Variants in STX2 observed in about 807,000 individuals in gnomAD.
STX2 encodes syntaxin 2, also known as syntaxin-2.
Under a neutral mutation model 40.6 loss-of-function variants are expected in STX2, and 27 were observed. The observed-to-expected ratio is 0.66, with a 90% CI of 0.49 to 0.92. STX2 has a LOEUF of 0.92. STX2 is among the 40% of genes least tolerant of loss of function. STX2 has a pLI of 0.00. For missense variants in STX2, 328 were observed against 366.1 expected, an observed-to-expected ratio of 0.90 and a Z score of 0.85; for synonymous variants, 123 against 119.1, an observed-to-expected ratio of 1.03 and a Z score of -0.22.
At chr12:130,828,549 G>A (rs932789350) in intron 1 of STX2, among the ~76,000 whole-genome samples, 99 of 151,716 alleles carry the variant, frequency 6.5e-4, no homozygotes, top group African/African-American at 2.1e-3. Context: ...CTGTACACTC[G>A]TAATTCTAAG....
chr12:130,804,629 C>T (rs375282913), intron 6 of STX2, among the ~76,000 whole-genome samples: 29 of 152,112 alleles, frequency 1.9e-4, no homozygotes, highest in Admixed American at 1.6e-3. Context: ...ACGTCCCTAG[C>T]CAATGTTTCC....
intron 1 of STX2, among the ~76,000 whole-genome samples, chr12:130,835,885 G>A (rs905396805): frequency 5.9e-5 from 9 of 151,356 alleles, no homozygotes; most frequent in Admixed American, 1.3e-4. Flanking sequence ...AGTACAGATT[G>A]TATTGAGCAG....
Position 130,799,364 on chromosome 12 carries a change from G to C in STX2, c.676-729C>G, listed in dbSNP as rs537139137. Among the ~76,000 whole-genome samples the C allele has an allele frequency of 2.0e-4, 31 of 152,338 alleles. No individual in the cohort carries two copies. In the South Asian group the frequency reaches 6.0e-3, roughly 30 times the overall value. ...ACAGTGAAACAAAGCCAGGGATGCAGCCATTTTTCTAACGGAGCTTAATGC... is the reference window on the plus strand; with the variant it reads ...ACAGTGAAACAAAGCCAGGGATGCACCCATTTTTCTAACGGAGCTTAATGC... On this transcript the variant is annotated intron_variant, in intron 8 of 10. Transcript: ENST00000392373.
chr12:130,836,347 T>C (rs1952757165), intron 1 of STX2, among the ~76,000 whole-genome samples: 2 of 152,312 alleles, frequency 1.3e-5, no homozygotes, highest in African/African-American at 4.8e-5. Flanking sequence ...CTTGGCTCAC[T>C]GCAACCTCCG....
At chr12:130,831,679 T>C (rs1952564471) in intron 1 of STX2, among the ~76,000 whole-genome samples, 1 of 152,190 alleles carries the variant, frequency 6.6e-6, no homozygotes, top group African/African-American at 2.4e-5. Context: ...GGCCAGTTTG[T>C]AAATATGGTG....
At chr12:130,832,899 G>A (rs1481772068) in intron 1 of STX2, among the ~76,000 whole-genome samples, 3 of 152,160 alleles carry the variant, frequency 2.0e-5, no homozygotes, top group African/African-American at 4.8e-5. Flanking sequence ...GTCCACAGCC[G>A]CTTTCTTATC....
intron 1 of STX2, among the ~76,000 whole-genome samples, chr12:130,832,095 C>T (rs999954948): frequency 2.0e-5 from 3 of 152,104 alleles, no homozygotes; most frequent in African/African-American, 7.2e-5. Context: ...AATCCTCCCA[C>T]CTTGGTCTCC....
chr12:130,832,642 C>A (rs758544754), intron 1 of STX2, among the ~76,000 whole-genome samples: 1 of 152,192 alleles, frequency 6.6e-6, no homozygotes, highest in Non-Finnish European at 1.5e-5. Flanking sequence ...GCCTAGAGAG[C>A]GTGAACTAGA....
intron 3 of STX2, among the ~76,000 whole-genome samples, chr12:130,816,154 G>C (rs1272296638): frequency 2.6e-5 from 4 of 152,204 alleles, no homozygotes; most frequent in African/African-American, 9.7e-5. Flanking sequence ...CACACAGCAA[G>C]GGCATTTGTG....
intron 10 of STX2, among the ~76,000 whole-genome samples, chr12:130,792,402 A>T (rs573038304): frequency 4.6e-5 from 7 of 152,278 alleles, no homozygotes; most frequent in African/African-American, 9.6e-5. Context: ...ATTGCTTTTA[A>T]TTGGATGAAT....
Position 130,791,715 on chromosome 12 carries a change from G to T in STX2, c.*308C>A. The T allele has an allele frequency of 1.8e-6, 1 of 566,620 alleles. No homozygotes were observed. Among genetic ancestry groups the T allele is most frequent in the Non-Finnish European group, 3.1e-6 (1 of 319,430 alleles). The allele number at this position is 566,620 out of a possible 1,614,324, so 35.1% of individuals were successfully genotyped here. On this transcript the variant is annotated 3_prime_UTR_variant, in exon 11 of 11. Coordinates refer to ENST00000392373, the MANE Select transcript of STX2 (RefSeq NM_194356.4). ...TTCAGGGTCACGCATCACACCCACT[G>T]TGCTTACGGCGCTGTCACTGAACAA...
At chr12:130,796,201 TA>T in intron 9 of STX2, 81 bp from the exon 10 acceptor site, 1 of 1,571,466 alleles carries the variant, frequency 6.4e-7, no homozygotes. Context: ...TCATTTAAAA[TA>T]AAACGACCTG....
intron 2 of STX2, among the ~76,000 whole-genome samples, chr12:130,823,766 C>T (rs1846208714): frequency 6.6e-6 from 1 of 152,216 alleles, no homozygotes; most frequent in South Asian, 2.1e-4. Flanking sequence ...CAGCAGGAAA[C>T]TGACACACGG....
chr12:130,821,856 A>T (rs2136320632), intron 2 of STX2, 68 bp from the exon 3 acceptor site: 1 of 940,772 alleles, frequency 1.1e-6, no homozygotes, highest in East Asian at 2.4e-5. Context: ...ATCCCCTAAA[A>T]GGGGAAGAAT....
chr12:130,836,829 G>A (rs1377530145), intron 1 of STX2, among the ~76,000 whole-genome samples: 1 of 152,178 alleles, frequency 6.6e-6, no homozygotes, highest in Non-Finnish European at 1.5e-5. Flanking sequence ...AACTTCCACG[G>A]ATATACTCTC....
Position 130,821,753 on chromosome 12 carries a change from A to T in STX2, c.141T>A (p.Thr47=). ...TTTTCTTTACTTCTTCAACATATTG[A>T]GTTATTTTATCAATACTGTTTCTAA... ...EEIRNSIDKI[T]QYVEEVKKNH... is the part of the protein sequence containing the mutation. The change falls in exon 3 of 11, where the codon ACT becomes ACA. Residue 47 remains threonine (T), a synonymous_variant. Coordinates refer to ENST00000392373, the MANE Select transcript of STX2 (RefSeq NM_194356.4). 1 of 1,613,450 alleles carries T rather than the reference A, an allele frequency of 6.2e-7. No individual in the cohort carries two copies. The highest frequency in any genetic ancestry group is 1.1e-5 in the South Asian group (1 of 91,058).
At chr12:130,838,980 GGAGCCCCGCCCAAGACGCCCC>G in intron 1 of STX2, 69 bp downstream of exon 1, 1 of 441,818 alleles carries the variant, frequency 2.3e-6, no homozygotes, top group Non-Finnish European at 3.0e-6. Flanking sequence ...GGACCCTCCC[GGAGCCCCGCCCAAGACGCCCC>G]GAGCCCCCGC....
intron 3 of STX2, among the ~76,000 whole-genome samples, chr12:130,814,898 G>C (rs978878198): frequency 6.6e-6 from 1 of 152,058 alleles, no homozygotes; most frequent in African/African-American, 2.4e-5. Context: ...GCCTCCCAAA[G>C]TGCTGGGATT....
chr12:130,808,385 C>T (rs1315804059), intron 5 of STX2, among the ~76,000 whole-genome samples: 2 of 152,144 alleles, frequency 1.3e-5, no homozygotes, highest in African/African-American at 4.8e-5. Context: ...AAACCCTCTT[C>T]AGGAAAGGCA....
Sources: gnomAD v4.1 joint callset for allele counts (sites outside exome capture counted in the v4.1 genomes callset) on GRCh38, gnomAD v4.1.1 for gene constraint, MANE v1.5 for transcripts, NCBI Gene and HGNC (gene_info 2026-07-23, HGNC 2026-07-21) for gene names.